The following RMDN1 variants were observed in gnomAD, a reference collection of about 807,000 sequenced individuals.
RMDN1 encodes regulator of microtubule dynamics 1.
Under a neutral mutation model 48.9 loss-of-function variants are expected in RMDN1, and 48 were observed. The observed-to-expected ratio is 0.98, with a 90% confidence interval of 0.78 to 1.25. The LOEUF (loss-of-function observed/expected upper bound fraction) is 1.25. Ranked by LOEUF, RMDN1 falls within the 50% of genes most tolerant of loss-of-function variation. The pLI is 0.00. For missense variants in RMDN1, 418 were observed against 373.4 expected, an observed-to-expected ratio of 1.12 and a Z score of -0.98; for synonymous variants, 148 against 132.6, an observed-to-expected ratio of 1.12 and a Z score of -0.80.
At chr8:86,468,689 G>C (rs1273296723), downstream of RMDN1, 1 of 456,220 alleles carries the variant, frequency 2.2e-6, no homozygotes, top group Non-Finnish European at 4.4e-6. Context: ...CGATGCACTA[G>C]GTGAGGCTAC....
intron 6 of RMDN1, 106 bp from the exon 7 acceptor site, chr8:86,479,116 A>C: frequency 1.3e-6 from 1 of 793,034 alleles, no homozygotes; most frequent in Non-Finnish European, 2.1e-6. Context: ...CTGTATGTTT[A>C]AACAACTTGT....
Position 86,508,478 on chromosome 8 carries a change from GACCACGGGGGT to G in RMDN1, c.129+3_129+13del, listed in dbSNP as rs760428713. The G allele has an allele frequency of 6.9e-5, 107 of 1,542,302 alleles. 1 individual carries two copies. Among genetic ancestry groups the G allele is most frequent in the Non-Finnish European group, 9.0e-5 (103 of 1,144,196 alleles). On this transcript the variant is annotated splice_donor_5th_base_variant and intron_variant, in intron 1 of 9. Coordinates refer to ENST00000406452, the MANE Select transcript of RMDN1 (RefSeq NM_016033.3). ...GTAGGAAGTGAGGAGCGGGAGCCAG[GACCACGGGGGT>G]ACCTCGAAGCCGCGGAATCGACAGG...
At chr8:86,497,952 G>T (rs1005336448) in intron 2 of RMDN1, among the ~76,000 whole-genome samples, 1 of 151,230 alleles carries the variant, frequency 6.6e-6, no homozygotes. Context: ...AAAAATTAGC[G>T]AGGTGTGGTG....
At chr8:86,496,959 C>G (rs1284292858) in intron 2 of RMDN1, among the ~76,000 whole-genome samples, 1 of 151,282 alleles carries the variant, frequency 6.6e-6, no homozygotes, top group Non-Finnish European at 1.5e-5. Flanking sequence ...GATCACAGCT[C>G]AATAAAAATA....
In RMDN1 at chr8:86,474,634, T is replaced by G. The variant is rs1015615953; in HGVS notation, c.894+186A>C. ...TAGCAGGCAACCCGTAACATCCACC[T>G]GGTGATAGTAACTAAATTATTTCCT... On this transcript the variant is annotated intron_variant, in intron 9 of 9. Transcript: ENST00000406452. 6.7e-6 allele frequency: 5 copies of G among 744,276 alleles called. No individual in the cohort carries two copies. In the Admixed American group the frequency reaches 8.0e-5, roughly 12 times the overall value. 46.1% of individuals were successfully genotyped at this position (744,276 alleles called of 1,614,324 possible).
chr8:86,484,311 C>T (rs1815085371), intron 5 of RMDN1, among the ~76,000 whole-genome samples: 1 of 142,986 alleles, frequency 7.0e-6, no homozygotes, highest in African/African-American at 2.5e-5. Context: ...CCATCTTGGA[C>T]ACTGTAGTCT....
intron 1 of RMDN1, among the ~76,000 whole-genome samples, chr8:86,513,879 G>T (rs1390596022): frequency 6.6e-6 from 1 of 150,642 alleles, no homozygotes; most frequent in African/African-American, 2.4e-5. Flanking sequence ...TTAAGACAGG[G>T]TCTGTTTGTC....
At chr8:86,478,403 A>G (rs1487147198) in intron 7 of RMDN1, 1 of 152,338 alleles carries the variant, frequency 6.6e-6, no homozygotes, top group East Asian at 1.9e-4. Context: ...TGTGATGAGT[A>G]AACCCAAAGT....
chr8:86,504,787 T>C lies in RMDN1; in HGVS notation c.247+2208A>G, dbSNP rs564283633. ...GGCCCCCGCCCAGCTGCGACTGCAA[T>C]GGCCGGCTGCTCCAACTATACCTCC... is the stretch of plus-strand genomic sequence containing the variant. On this transcript the variant is annotated intron_variant, in intron 2 of 9. Coordinates refer to ENST00000406452, the MANE Select transcript of RMDN1 (RefSeq NM_016033.3). 4 of 1,059,414 alleles carry C rather than the reference T, an allele frequency of 3.8e-6. No individual in the cohort carries two copies. In the Admixed American group the frequency reaches 5.1e-5, roughly 13 times the overall value. 65.6% of individuals were successfully genotyped at this position (1,059,414 alleles called of 1,614,324 possible). A position where few individuals can be genotyped will look rare whatever the true frequency, so the allele number is the denominator to read the frequency against.
chr8:86,485,731 G>A (rs1815357241), intron 4 of RMDN1, among the ~76,000 whole-genome samples: 1 of 152,154 alleles, frequency 6.6e-6, no homozygotes, highest in African/African-American at 2.4e-5. Flanking sequence ...GATGACCTGA[G>A]TTTCTTTCCC....
chr8:86,472,522 C>T lies in RMDN1; in HGVS notation c.*1786G>A. Reference sequence around the variant, plus strand: ...CAGTATACAATAACCTTTTAAAATACAGCATCATTAAGTGGGAAACTGAAA... The same window carrying T: ...CAGTATACAATAACCTTTTAAAATATAGCATCATTAAGTGGGAAACTGAAA... On this transcript the variant is annotated 3_prime_UTR_variant, in exon 10 of 10. Coordinates refer to ENST00000406452, the MANE Select transcript of RMDN1 (RefSeq NM_016033.3). 1.4e-6 allele frequency: 1 copy of T among 699,358 alleles called. No individual in the cohort carries two copies. The highest frequency in any genetic ancestry group is 2.6e-6 in the Non-Finnish European group (1 of 384,246). The allele number at this position is 699,358 out of a possible 1,614,324, so 43.3% of individuals were successfully genotyped here.
chr8:86,507,513 AT>A (rs990065102), intron 1 of RMDN1, among the ~76,000 whole-genome samples: 1 of 152,304 alleles, frequency 6.6e-6, no homozygotes, highest in Non-Finnish European at 1.5e-5. Context: ...TAACTTTTAA[AT>A]TTTTTTGTAG....
intron 8 of RMDN1, 83 bp downstream of exon 8, chr8:86,477,211 G>T: frequency 1.0e-6 from 1 of 995,000 alleles, no homozygotes; most frequent in Non-Finnish European, 1.5e-6. Context: ...ATAAACAACT[G>T]CTTTAGACAT....
intron 5 of RMDN1, chr8:86,482,814 G>A (rs769812934): frequency 5.5e-5 from 55 of 1,007,964 alleles, no homozygotes; most frequent in East Asian, 9.5e-5. Flanking sequence ...AAATGGAGAC[G>A]GAGCCATCCT....
chr8:86,505,832 A>G (rs1231534678), intron 2 of RMDN1, among the ~76,000 whole-genome samples: 4 of 151,854 alleles, frequency 2.6e-5, no homozygotes, highest in Admixed American at 1.3e-4. Context: ...TGAAGTCTGC[A>G]CATTACCTCT....
chr8:86,504,065 T>C lies in RMDN1; in HGVS notation c.247+2930A>G, dbSNP rs908281078. 4.6e-5 allele frequency: 40 copies of C among 870,622 alleles called. 1 individual carries two copies. Among genetic ancestry groups the C allele is most frequent in the Non-Finnish European group, 7.2e-5 (36 of 502,204 alleles). 53.9% of individuals were successfully genotyped at this position (870,622 alleles called of 1,614,324 possible). A position where few individuals can be genotyped will look rare whatever the true frequency, so the allele number is the denominator to read the frequency against. ...GGCACTCTCAACCAGCTGGGCATCA[T>C]TGTCAGAATTCTGGTGGCCCAGATC... On this transcript the variant is annotated intron_variant, in intron 2 of 9. Transcript: ENST00000406452.
At chr8:86,511,836 GAA>G (rs144306786), upstream of RMDN1, among the ~76,000 whole-genome samples, 3 of 143,294 alleles carry the variant, frequency 2.1e-5, no homozygotes, top group African/African-American at 7.6e-5. Context: ...AAAAGAAAAA[GAA>G]AAAAAAAAGC....
intron 2 of RMDN1, among the ~76,000 whole-genome samples, chr8:86,494,420 G>A (rs747687427): frequency 6.6e-6 from 1 of 152,046 alleles, no homozygotes; most frequent in Non-Finnish European, 1.5e-5. Context: ...GCTGGGCATG[G>A]TGACACATGC....
intron 2 of RMDN1, among the ~76,000 whole-genome samples, chr8:86,497,614 T>C (rs544928404): frequency 9.2e-5 from 14 of 151,486 alleles, no homozygotes; most frequent in African/African-American, 2.9e-4. Flanking sequence ...GGCAGGAGAA[T>C]TGCTTGAACT....
Sources: allele counts gnomAD v4.1 joint callset (sites outside exome capture counted in the v4.1 genomes callset), GRCh38; gene constraint gnomAD v4.1.1; transcripts MANE v1.5; gene names NCBI Gene and HGNC (gene_info 2026-07-23, HGNC 2026-07-21).